TMEM44: variants seen among roughly 807,000 people sequenced by gnomAD.
The protein encoded by TMEM44 is transmembrane protein 44.
A neutral mutation model predicts 47.8 loss-of-function variants in TMEM44; 43 were observed. The ratio of observed to expected loss-of-function variants is 0.90; its 90% CI spans 0.70 to 1.16. The LOEUF (loss-of-function observed/expected upper bound fraction) is 1.16, where lower values mean the gene tolerates loss of function less well. Ranked by LOEUF, TMEM44 falls within the 50% of genes most tolerant of loss-of-function variation. TMEM44 has a pLI of 0.00. For missense variants in TMEM44, 568 were observed against 555.2 expected (o/e 1.02, Z -0.23); for synonymous variants, 277 against 238.8 (o/e 1.16, Z -1.48).
intron 9 of TMEM44, among the ~76,000 whole-genome samples, chr3:194,599,776 T>TG (rs1432564568): frequency 6.6e-6 from 1 of 151,626 alleles, no homozygotes; most frequent in African/African-American, 2.4e-5. Flanking sequence ...GTTATTTTTT[T>TG]GAGATGCAGT....
chr3:194,630,758 G>A (rs564911492), intron 1 of TMEM44, among the ~76,000 whole-genome samples: 45 of 147,458 alleles, frequency 3.1e-4, no homozygotes, highest in African/African-American at 1.1e-3. Flanking sequence ...TTCCGTCGGC[G>A]TCACTGATGG....
intron 5 of TMEM44, 94 bp downstream of exon 5, chr3:194,623,130 C>A (rs556437878): frequency 1.6e-6 from 2 of 1,238,734 alleles, no homozygotes; most frequent in Non-Finnish European, 2.2e-6. Context: ...CCCACGGTGA[C>A]GCCACACCTC....
At chr3:194,620,743 A>C (rs1028832786) in intron 5 of TMEM44, among the ~76,000 whole-genome samples, 40 of 151,942 alleles carry the variant, frequency 2.6e-4, no homozygotes, top group African/African-American at 8.2e-4. Flanking sequence ...TGAAGTCCCT[A>C]GGCCGGGCGT....
chr3:194,605,770 T>C (rs1377835046), intron 8 of TMEM44, among the ~76,000 whole-genome samples: 2 of 152,180 alleles, frequency 1.3e-5, no homozygotes, highest in East Asian at 1.9e-4. Flanking sequence ...TCCTCATCTA[T>C]AAAAGGGGAT....
At chr3:194,593,536 C>G (rs954755283) in intron 9 of TMEM44, among the ~76,000 whole-genome samples, 1 of 152,164 alleles carries the variant, frequency 6.6e-6, no homozygotes, top group Non-Finnish European at 1.5e-5. Flanking sequence ...GTGTTTACTG[C>G]ATGGTTGGTT....
rs763514364 is a variant in TMEM44 at position 194,623,277 on chromosome 3, T to C, written c.559A>G (p.Ser187Gly). Residue 187 changes from serine to glycine, a missense_variant, in exon 5 of 10, where the codon AGC becomes GGC. Ser to Gly is a moderately conservative substitution (Grantham distance 56, BLOSUM62 0). Transcript: ENST00000347147. ...NTEILGYLLG[S>G]VAAFGSWASR... ...GCCCAGGAGCCAAAGGCAGCAACGC[T>C]ACCCAGCAGGTAGCCGAGGATCTCA... 5.6e-6 allele frequency: 9 copies of C among 1,611,692 alleles called. No homozygotes were observed. Among genetic ancestry groups the C allele is most frequent in the Middle Eastern group, 1.7e-4 (1 of 6,060 alleles).
At chr3:194,631,421 T>C (rs1717819945) in intron 1 of TMEM44, among the ~76,000 whole-genome samples, 1 of 152,034 alleles carries the variant, frequency 6.6e-6, no homozygotes, top group Non-Finnish European at 1.5e-5. Context: ...TCCTTGGGAA[T>C]GGTGGATGAG....
chr3:194,614,768 GTAAGTAAATTA>G (rs1228590952), intron 7 of TMEM44, among the ~76,000 whole-genome samples: 1 of 152,182 alleles, frequency 6.6e-6, no homozygotes, highest in Non-Finnish European at 1.5e-5. Flanking sequence ...TTAACTACCA[GTAAGTAAATTA>G]TTCAAAAGCT....
chr3:194,588,499 T>A lies in TMEM44; in HGVS notation c.*30A>T, dbSNP rs1351191906. The A allele has an allele frequency of 6.2e-7, 1 of 1,600,992 alleles. No individual in the cohort carries two copies. The highest frequency in any genetic ancestry group is 8.6e-7 in the Non-Finnish European group (1 of 1,168,696). On this transcript the variant is annotated 3_prime_UTR_variant, in exon 10 of 10. Coordinates refer to ENST00000347147, the MANE Select transcript of TMEM44 (RefSeq NM_001011655.3). ...ACTGAACGAACTCCTGACCCTGGGC[T>A]CTGAGCTGATGAGCTGGCTCCAGAA...
At chr3:194,632,551 C>T (rs1053103793) in intron 1 of TMEM44, among the ~76,000 whole-genome samples, 2 of 152,214 alleles carry the variant, frequency 1.3e-5, no homozygotes, top group African/African-American at 4.8e-5. Context: ...GATCATATCA[C>T]TACCTCCCTT....
intron 5 of TMEM44, among the ~76,000 whole-genome samples, chr3:194,621,771 C>G (rs1227867394): frequency 1.3e-5 from 2 of 151,656 alleles, no homozygotes; most frequent in Non-Finnish European, 2.9e-5. Context: ...GGATGGAGTG[C>G]AGCAGCACGA....
At position 194,588,089 on chromosome 3, in the gene TMEM44, C is replaced by T. The variant is rs1712080458; in HGVS notation, c.*440G>A. ...GACCCAAGGCCCCCCAGCACAGGGC[C>T]CACCCTCTCATCTGGCTCAGCCAGG... On this transcript the variant is annotated 3_prime_UTR_variant, in exon 10 of 10. Transcript: ENST00000347147. 6.2e-6 allele frequency: 1 copy of T among 160,246 alleles called. No individual in the cohort carries two copies. The highest frequency in any genetic ancestry group is 1.4e-5 in the Non-Finnish European group (1 of 73,028). The allele number at this position is 160,246 out of a possible 1,614,324, so 9.9% of individuals were successfully genotyped here. A position where few individuals can be genotyped will look rare whatever the true frequency, so the allele number is the denominator to read the frequency against.
At chr3:194,617,620 G>C (rs149906788) in intron 5 of TMEM44, 11 of 702,938 alleles carry the variant, frequency 1.6e-5, no homozygotes, top group Non-Finnish European at 1.3e-5. Context: ...CCTGAGGGCT[G>C]GGCAGGGGTC....
chr3:194,625,443 T>TG (rs61126213), intron 3 of TMEM44, among the ~76,000 whole-genome samples: 11 of 114,336 alleles, frequency 9.6e-5, no homozygotes, highest in Admixed American at 5.3e-4. Flanking sequence ...GGGGGGGGGG[T>TG]TGTTTTTGTT....
chr3:194,626,425 C>A (rs1717187187), intron 2 of TMEM44, among the ~76,000 whole-genome samples: 1 of 152,162 alleles, frequency 6.6e-6, no homozygotes, highest in African/African-American at 2.4e-5. Flanking sequence ...GTGTTTACAC[C>A]AGTGTCTATG....
chr3:194,606,370 G>GT (rs1190772164), intron 8 of TMEM44, among the ~76,000 whole-genome samples: 1 of 152,106 alleles, frequency 6.6e-6, no homozygotes, highest in Non-Finnish European at 1.5e-5. Context: ...AATGGGATAT[G>GT]TATCAGTGGA....
At chr3:194,592,776 G>A (rs1448296485) in intron 9 of TMEM44, among the ~76,000 whole-genome samples, 7 of 152,022 alleles carry the variant, frequency 4.6e-5, no homozygotes, top group Non-Finnish European at 8.8e-5. Flanking sequence ...CACCATGCCC[G>A]GCTAATTTTG....
chr3:194,599,468 C>T (rs1034296794), intron 9 of TMEM44, among the ~76,000 whole-genome samples: 10 of 152,290 alleles, frequency 6.6e-5, no homozygotes, highest in Admixed American at 1.3e-4. Context: ...CATGTCAGGC[C>T]GGCCCAACCT....
At position 194,611,498 on chromosome 3, in the gene TMEM44, C is replaced by G. The variant is rs1168416658; in HGVS notation, c.913-478G>C. On this transcript the variant is annotated intron_variant, in intron 7 of 9. Transcript: ENST00000347147. This position sits in a 1 kb window ranked among gnomAD's most constrained non-coding sequence, Gnocchi z 4.2. The stretch of plus-strand genomic sequence containing the variant: ...CCAGCCTAGGGGACAGAGTGAGACC[C>G]TGTCGTACAAACAAAACAAAACAAG... Among the ~76,000 whole-genome samples the G allele has an allele frequency of 2.0e-5, 3 of 152,324 alleles. No homozygotes were observed. Among genetic ancestry groups the G allele is most frequent in the East Asian group, 3.9e-4 (2 of 5,184 alleles).
Sources: gnomAD v4.1 joint callset for allele counts (sites outside exome capture counted in the v4.1 genomes callset) on GRCh38, gnomAD v4.1.1 for gene constraint, Gnocchi (gnomAD v3.1) non-coding constraint, MANE v1.5 for transcripts, NCBI Gene and HGNC (gene_info 2026-07-23, HGNC 2026-07-21) for gene names.